Variants in STK32B observed in about 807,000 individuals in gnomAD.
STK32B encodes the protein serine/threonine kinase 32B, also known as serine/threonine-protein kinase 32B.
A neutral mutation model predicts 52.6 loss-of-function variants in STK32B; 43 were observed. The ratio of observed to expected loss-of-function variants is 0.82; its 90% CI spans 0.64 to 1.05. STK32B has a LOEUF of 1.05. Ranked by LOEUF, STK32B falls within the 50% of genes least tolerant of loss-of-function variation. The pLI is 0.00. For missense variants in STK32B, 621 were observed against 534.6 expected (o/e 1.16, Z -1.59); for synonymous variants, 238 against 204.3 (o/e 1.17, Z -1.41).
rs1335111187 is a variant in STK32B, at chr4:5,123,637, C to G, written c.53-16268C>G. On this transcript the variant is annotated intron_variant, in intron 1 of 11. Transcript: ENST00000282908. ...CCTTCCCTCTGTGTCCTCCACGTGG[C>G]CACCCTGGGTGCATCTGTGTTCTTA... Among the ~76,000 whole-genome samples, 3 of 152,120 alleles carry G rather than the reference C, an allele frequency of 2.0e-5. 1 individual carries two copies. In the South Asian group the frequency reaches 6.2e-4, roughly 32 times the overall value.
intron 7 of STK32B, among the ~76,000 whole-genome samples, chr4:5,448,110 A>G (rs185686736): frequency 5.2e-4 from 79 of 152,292 alleles, no homozygotes; most frequent in Non-Finnish European, 9.9e-4. Flanking sequence ...TGTGAGTGCA[A>G]ATAAGTATTA....
At chr4:5,492,634 G>C (rs1195576579) in intron 11 of STK32B, among the ~76,000 whole-genome samples, 3 of 131,376 alleles carry the variant, frequency 2.3e-5, no homozygotes, top group Admixed American at 7.2e-5. Context: ...TGGTGAGAGA[G>C]GGCATCCCTG....
chr4:5,036,961 C>T, the STK32B span, among the ~76,000 whole-genome samples: 6 of 151,934 alleles, frequency 3.9e-5, no homozygotes, highest in African/African-American at 7.3e-5. Context: ...ACACTGTGCC[C>T]GGCCAAGGGT....
At chr4:5,066,933 T>G (rs1261534932) in intron 1 of STK32B, among the ~76,000 whole-genome samples, 1 of 152,240 alleles carries the variant, frequency 6.6e-6, no homozygotes, top group Non-Finnish European at 1.5e-5. Context: ...TGCTCCTTCA[T>G]AGCATTGAAC....
intron 3 of STK32B, among the ~76,000 whole-genome samples, chr4:5,216,850 TAA>T (rs1188154749): frequency 2.0e-5 from 3 of 151,834 alleles, no homozygotes; most frequent in Non-Finnish European, 4.4e-5. Context: ...GTTTATGAAA[TAA>T]AGTCTTATTT....
At chr4:5,240,683 C>G (rs546764783) in intron 3 of STK32B, among the ~76,000 whole-genome samples, 8 of 152,298 alleles carry the variant, frequency 5.3e-5, no homozygotes, top group African/African-American at 1.9e-4. Context: ...TGGTTTTGAA[C>G]TCCTGACCTC....
intron 3 of STK32B, among the ~76,000 whole-genome samples, chr4:5,316,191 A>G (rs1264753333): frequency 4.3e-5 from 4 of 92,662 alleles, no homozygotes; most frequent in Non-Finnish European, 7.6e-5. Flanking sequence ...AAATATATAT[A>G]TTTAGATATA....
intron 3 of STK32B, among the ~76,000 whole-genome samples, chr4:5,190,685 C>T (rs548269763): frequency 1.3e-5 from 2 of 152,206 alleles, no homozygotes; most frequent in South Asian, 4.2e-4. Context: ...AGAATTCCGG[C>T]CGGTGTGAAT....
chr4:5,252,105 G>A (rs1258951034), intron 3 of STK32B, among the ~76,000 whole-genome samples: 1 of 152,158 alleles, frequency 6.6e-6, no homozygotes. Flanking sequence ...CCCATCAGAT[G>A]TCTCAGTTGA....
intron 3 of STK32B, among the ~76,000 whole-genome samples, chr4:5,264,871 T>C (rs1322042949): frequency 5.9e-5 from 9 of 152,202 alleles, no homozygotes; most frequent in Non-Finnish European, 1.5e-5. Context: ...TTTTGTGAAT[T>C]CTTTATCCCA....
intron 11 of STK32B, among the ~76,000 whole-genome samples, chr4:5,497,924 A>G (rs372548787): frequency 2.6e-5 from 4 of 152,150 alleles, no homozygotes; most frequent in African/African-American, 7.2e-5. Flanking sequence ...AATTCAGGCT[A>G]AAACCTCTTT....
intron 3 of STK32B, among the ~76,000 whole-genome samples, chr4:5,245,919 G>C (rs1409073238): frequency 1.3e-5 from 2 of 152,206 alleles, no homozygotes; most frequent in African/African-American, 4.8e-5. Flanking sequence ...CTTCTGGCTT[G>C]TAGAGTTTCT....
At chr4:5,175,237 C>G (rs936789080) in intron 3 of STK32B, among the ~76,000 whole-genome samples, 1 of 152,000 alleles carries the variant, frequency 6.6e-6, no homozygotes, top group African/African-American at 2.4e-5. Context: ...ACTTCTTTGC[C>G]GTTGCTTCAA....
At chr4:5,455,317 CACA>C (rs1716400482) in intron 7 of STK32B, among the ~76,000 whole-genome samples, 1 of 152,240 alleles carries the variant, frequency 6.6e-6, no homozygotes, top group African/African-American at 2.4e-5. Flanking sequence ...GTGTTACCCA[CACA>C]ACATGTAGGC....
chr4:5,431,600 A>T (rs79814045), intron 6 of STK32B, among the ~76,000 whole-genome samples: 1 of 152,112 alleles, frequency 6.6e-6, no homozygotes, highest in African/African-American at 2.4e-5. Context: ...GCCCTTTATC[A>T]GAGCTTACGT....
intron 6 of STK32B, among the ~76,000 whole-genome samples, chr4:5,425,346 A>G (rs182413460): frequency 6.6e-6 from 1 of 152,272 alleles, no homozygotes; most frequent in East Asian, 1.9e-4. Flanking sequence ...CACTCTTTGT[A>G]GATATTATTG....
At chr4:5,154,376 C>T (rs1185399808) in intron 2 of STK32B, among the ~76,000 whole-genome samples, 5 of 151,908 alleles carry the variant, frequency 3.3e-5, no homozygotes, top group South Asian at 2.1e-4. Flanking sequence ...CCACCAGGCC[C>T]GGTTAATTTT....
chr4:5,494,132 T>C (rs377458252), intron 11 of STK32B, among the ~76,000 whole-genome samples: 4 of 151,880 alleles, frequency 2.6e-5, no homozygotes, highest in Non-Finnish European at 5.9e-5. Context: ...CCTGGGTATC[T>C]TTGTTAACTT....
chr4:5,422,552 T>C (rs890424934), intron 6 of STK32B, among the ~76,000 whole-genome samples: 1 of 152,236 alleles, frequency 6.6e-6, no homozygotes, highest in African/African-American at 2.4e-5. Context: ...TGTGCCAGAT[T>C]AGAAGTCAGA....
Sources: gnomAD v4.1 joint callset for allele counts (sites outside exome capture counted in the v4.1 genomes callset) on GRCh38, gnomAD v4.1.1 for gene constraint, MANE v1.5 for transcripts, NCBI Gene and HGNC (gene_info 2026-07-23, HGNC 2026-07-21) for gene names.